Variants in SCFD2 observed in about 807,000 individuals in gnomAD.
SCFD2 encodes sec1 family domain-containing protein 2.
A neutral mutation model predicts 58.9 loss-of-function variants in SCFD2; 54 were observed. That is an observed-to-expected ratio of 0.92 (90% CI 0.74 to 1.15). The LOEUF is 1.15. SCFD2 is among the 50% of genes most tolerant of loss of function. The pLI, the probability that SCFD2 is intolerant of heterozygous loss-of-function variation, is 0.00. For missense variants in SCFD2, 805 were observed against 836.6 expected, an observed-to-expected ratio of 0.96 and a Z score of 0.47; for synonymous variants, 321 against 335.9, an observed-to-expected ratio of 0.96 and a Z score of 0.49.
chr4:53,064,228 T>C (rs988310736), intron 5 of SCFD2, among the ~76,000 whole-genome samples: 1 of 152,060 alleles, frequency 6.6e-6, no homozygotes, highest in Admixed American at 6.6e-5. Context: ...CTCACCCAGG[T>C]AGTAAGCATA....
chr4:53,212,151 G>C (rs1728632464), intron 4 of SCFD2, among the ~76,000 whole-genome samples: 1 of 151,974 alleles, frequency 6.6e-6, no homozygotes. Context: ...TTCTGCTGGG[G>C]AAAAATAAAT....
At chr4:53,263,363 C>T (rs552099553) in intron 4 of SCFD2, among the ~76,000 whole-genome samples, 2 of 152,222 alleles carry the variant, frequency 1.3e-5, no homozygotes, top group East Asian at 1.9e-4. Context: ...CTGGTTCCTT[C>T]TCATTTAGGT....
At chr4:53,245,024 C>T (rs1730022220) in intron 4 of SCFD2, among the ~76,000 whole-genome samples, 1 of 151,926 alleles carries the variant, frequency 6.6e-6, no homozygotes, top group Non-Finnish European at 1.5e-5. Flanking sequence ...AGAAAAACTC[C>T]TGGACACATA....
At chr4:53,327,130 A>T (rs1733226029) in intron 2 of SCFD2, among the ~76,000 whole-genome samples, 1 of 152,104 alleles carries the variant, frequency 6.6e-6, no homozygotes, top group African/African-American at 2.4e-5. Flanking sequence ...ACATGTTAGC[A>T]CAGAGTGTCG....
rs529803590 is a variant in SCFD2, at chr4:53,217,215, C to G, written c.1311+56611G>C. On this transcript the variant is annotated intron_variant, in intron 4 of 8. Transcript: ENST00000401642. ...CTGGATATCCTTATTAACTTTCTGT[C>G]TCGTTGATCTGTCTAATGTTGACAG... Among the ~76,000 whole-genome samples the G allele has an allele frequency of 2.7e-3, 409 of 152,126 alleles. 1 individual carries two copies. Among genetic ancestry groups the G allele is most frequent in the African/African-American group, 9.4e-3 (391 of 41,528 alleles).
intron 5 of SCFD2, among the ~76,000 whole-genome samples, chr4:52,992,916 C>T (rs868385017): frequency 5.9e-5 from 9 of 152,166 alleles, no homozygotes; most frequent in Middle Eastern, 3.4e-3. Flanking sequence ...TCATTGAGAA[C>T]GGGCCATGAT....
At chr4:53,188,823 T>C (rs1727811357) in intron 4 of SCFD2, among the ~76,000 whole-genome samples, 1 of 152,160 alleles carries the variant, frequency 6.6e-6, no homozygotes, top group Non-Finnish European at 1.5e-5. Context: ...CATAACTGTT[T>C]AAATTGTCTA....
At chr4:53,334,273 A>G (rs890834584) in intron 2 of SCFD2, among the ~76,000 whole-genome samples, 1 of 152,086 alleles carries the variant, frequency 6.6e-6, no homozygotes, top group African/African-American at 2.4e-5. Context: ...AGGACTATAA[A>G]TCTTGCTGCT....
intron 5 of SCFD2, among the ~76,000 whole-genome samples, chr4:53,056,058 CTA>C (rs1210242337): frequency 2.0e-5 from 3 of 151,270 alleles, no homozygotes; most frequent in Non-Finnish European, 1.5e-5. Flanking sequence ...CAGATTTTTT[CTA>C]TGTTATTCCC....
intron 4 of SCFD2, among the ~76,000 whole-genome samples, chr4:53,253,737 C>T (rs1373032581): frequency 3.3e-5 from 3 of 91,256 alleles, no homozygotes; most frequent in African/African-American, 9.3e-5. Context: ...TGGGGACTGT[C>T]GTGGGGTGGG....
chr4:53,316,668 G>A (rs1242979602), intron 2 of SCFD2, among the ~76,000 whole-genome samples: 1 of 152,134 alleles, frequency 6.6e-6, no homozygotes, highest in Non-Finnish European at 1.5e-5. Context: ...ATACAATCTT[G>A]ATTAGTGCAG....
intron 5 of SCFD2, among the ~76,000 whole-genome samples, chr4:52,938,223 T>C (rs139430345): frequency 6.6e-6 from 1 of 152,326 alleles, no homozygotes; most frequent in East Asian, 1.9e-4. Flanking sequence ...TTCTATGAAG[T>C]AGGTACTAGC....
rs551965728 is a variant in SCFD2 at position 53,048,774 on chromosome 4, T to C, written c.1561+96559A>G. ...CTCTCTTCTCATTGGGCTTCAGCCA[T>C]GCTGCCTGCATTCCTCCAACTCCCA... is the stretch of plus-strand genomic sequence containing the variant. On this transcript the variant is annotated intron_variant, in intron 5 of 8. Coordinates refer to ENST00000401642, the MANE Select transcript of SCFD2 (RefSeq NM_152540.4). 3.0e-4 allele frequency among the ~76,000 whole-genome samples: 45 copies of C among 152,218 alleles called. No individual in the cohort carries two copies. In the South Asian group the frequency reaches 8.5e-3, roughly 29 times the overall value.
At chr4:52,955,503 G>T (rs1560492974) in intron 5 of SCFD2, among the ~76,000 whole-genome samples, 1 of 152,168 alleles carries the variant, frequency 6.6e-6, no homozygotes. Flanking sequence ...TAAAATAGGT[G>T]CTGTGCCTAG....
At position 52,956,368 on chromosome 4, in the gene SCFD2, G is replaced by T. The variant is rs568841601; in HGVS notation, c.1562-35498C>A. The T allele has an allele frequency of 5.5e-5, 21 of 382,544 alleles. 1 individual carries two copies. Among genetic ancestry groups the T allele is most frequent in the South Asian group, 4.1e-4 (21 of 51,772 alleles). 23.7% of individuals were successfully genotyped at this position (382,544 alleles called of 1,614,324 possible). A position where few individuals can be genotyped will look rare whatever the true frequency, so the allele number is the denominator to read the frequency against. Reference sequence around the variant, plus strand: ...TTAGATAGGGCTTTTTATGGCAAGTGACAGAAATCCAGCTTAAATTATCTT... The same window carrying T: ...TTAGATAGGGCTTTTTATGGCAAGTTACAGAAATCCAGCTTAAATTATCTT... On this transcript the variant is annotated intron_variant, in intron 5 of 8. Coordinates refer to ENST00000401642, the MANE Select transcript of SCFD2 (RefSeq NM_152540.4).
chr4:53,286,875 C>T (rs1210360433), intron 3 of SCFD2, among the ~76,000 whole-genome samples: 3 of 152,094 alleles, frequency 2.0e-5, no homozygotes, highest in East Asian at 1.9e-4. Flanking sequence ...CTCACAGAGC[C>T]GATGTCACTA....
intron 4 of SCFD2, among the ~76,000 whole-genome samples, chr4:53,244,805 C>A (rs1730012098): frequency 1.4e-5 from 2 of 139,944 alleles, no homozygotes; most frequent in African/African-American, 5.3e-5. Context: ...CCAACCCAAG[C>A]CTTGGGGTAT....
At chr4:53,028,773 C>G (rs556951931) in intron 5 of SCFD2, among the ~76,000 whole-genome samples, 1 of 152,266 alleles carries the variant, frequency 6.6e-6, no homozygotes, top group South Asian at 2.1e-4. Flanking sequence ...GACTACCAGG[C>G]TCTTTTCAAG....
intron 5 of SCFD2, among the ~76,000 whole-genome samples, chr4:53,050,843 C>T (rs1723169847): frequency 6.6e-6 from 1 of 152,202 alleles, no homozygotes; most frequent in South Asian, 2.1e-4. Context: ...CTCCAACTCC[C>T]AGTGCCCCTT....
Sources: allele counts gnomAD v4.1 joint callset (sites outside exome capture counted in the v4.1 genomes callset), GRCh38; gene constraint gnomAD v4.1.1; transcripts MANE v1.5; gene names NCBI Gene and HGNC (gene_info 2026-07-23, HGNC 2026-07-21).